Variants in MCTP2 observed in about 807,000 individuals in gnomAD.
MCTP2 encodes multiple C2 and transmembrane domain containing 2.
A neutral mutation model predicts 111.6 loss-of-function variants in MCTP2; 132 were observed. The ratio of observed to expected loss-of-function variants is 1.18; its 90% CI spans 1.03 to 1.37. The LOEUF is 1.37. Ranked by LOEUF, MCTP2 falls within the 40% of genes most tolerant of loss-of-function variation. The pLI is 0.00. For missense variants in MCTP2, 1,183 were observed against 1,067.9 expected (o/e 1.11, Z -1.50); for synonymous variants, 395 against 387.7 (o/e 1.02, Z -0.22).
At chr15:94,350,508 C>T (rs931753371) in intron 8 of MCTP2, among the ~76,000 whole-genome samples, 10 of 152,242 alleles carry the variant, frequency 6.6e-5, no homozygotes, top group South Asian at 4.1e-4. Context: ...AGGCAGATGT[C>T]GCAGTGAGCT....
intron 10 of MCTP2, 36 bp downstream of exon 10, chr15:94,358,648 T>C: frequency 6.2e-7 from 1 of 1,609,862 alleles, no homozygotes; most frequent in Non-Finnish European, 8.5e-7. Context: ...CGGGAGCATG[T>C]TTCTGCATGG....
chr15:94,333,131 A>C (rs2077204223), intron 4 of MCTP2, among the ~76,000 whole-genome samples: 1 of 152,084 alleles, frequency 6.6e-6, no homozygotes, highest in South Asian at 2.1e-4. Context: ...GCTACTTGGG[A>C]GTCTGAGGCA....
chr15:94,298,168 G>A (rs878889227), intron 1 of MCTP2, 33 bp from the exon 2 acceptor site: 1 of 848,372 alleles, frequency 1.2e-6, no homozygotes, highest in African/African-American at 1.8e-5. Flanking sequence ...TTTTTTGTTT[G>A]TTTGTTTTTT....
In MCTP2 at chr15:94,351,051, TATTAA is replaced by T. The variant is rs374588634; in HGVS notation, c.1006-5082_1006-5078del. On this transcript the variant is annotated intron_variant, in intron 8 of 22. Coordinates refer to ENST00000357742, the MANE Select transcript of MCTP2 (RefSeq NM_001385001.1). ...ACAATTTTATCTTATAATTTAAAAA[TATTAA>T]ATTTAATGCAAAGCTTTTATAGCTA... Among the ~76,000 whole-genome samples, 569 of 152,322 alleles carry T rather than the reference TATTAA, an allele frequency of 3.7e-3. 1 individual carries two copies. The highest frequency in any genetic ancestry group is 0.011 in the African/African-American group (470 of 41,582).
intron 1 of MCTP2, among the ~76,000 whole-genome samples, chr15:94,260,557 A>C (rs1046043915): frequency 5.9e-5 from 9 of 152,180 alleles, no homozygotes; most frequent in Non-Finnish European, 8.8e-5. Context: ...GTTTATCTGC[A>C]GGAGCCATTA....
At chr15:94,442,880 C>T (rs770666897) in intron 18 of MCTP2, 39 bp from the exon 19 acceptor site, 21 of 1,566,560 alleles carry the variant, frequency 1.3e-5, no homozygotes, top group South Asian at 3.4e-5. Context: ...TTGTTAATTT[C>T]GGTTGATGTT....
intron 17 of MCTP2, among the ~76,000 whole-genome samples, chr15:94,434,956 C>T (rs531817931): frequency 2.5e-4 from 38 of 151,488 alleles, no homozygotes; most frequent in African/African-American, 7.3e-4. Flanking sequence ...CTCCGCTCCT[C>T]GGGTTCAAGC....
At chr15:94,260,786 C>T (rs957673288) in intron 1 of MCTP2, among the ~76,000 whole-genome samples, 5 of 152,126 alleles carry the variant, frequency 3.3e-5, no homozygotes, top group African/African-American at 7.2e-5. Context: ...TCTCAGCCAA[C>T]GGCATTCCAA....
intron 3 of MCTP2, 97 bp downstream of exon 3, chr15:94,314,441 A>G: frequency 1.1e-6 from 1 of 909,084 alleles, no homozygotes; most frequent in East Asian, 2.7e-5. Flanking sequence ...ATTGCTAAAA[A>G]AAAAAAAAAA....
chr15:94,355,622 A>G (rs554141773), intron 8 of MCTP2, among the ~76,000 whole-genome samples: 47 of 151,942 alleles, frequency 3.1e-4, no homozygotes, highest in Middle Eastern at 3.4e-3. Context: ...TGGAGGCTCT[A>G]TTTGGACTAG....
chr15:94,408,784 G>A (rs2152483253), intron 17 of MCTP2, among the ~76,000 whole-genome samples: 1 of 152,258 alleles, frequency 6.6e-6, no homozygotes, highest in South Asian at 2.1e-4. Context: ...TTCTTTTGGA[G>A]CATTCCAATT....
intron 12 of MCTP2, among the ~76,000 whole-genome samples, chr15:94,377,534 G>T (rs2079844072): frequency 6.6e-6 from 1 of 152,212 alleles, no homozygotes; most frequent in African/African-American, 2.4e-5. Context: ...CAGCTCATTT[G>T]TGACATTCCA....
intron 14 of MCTP2, among the ~76,000 whole-genome samples, chr15:94,386,088 T>A (rs2080453865): frequency 6.6e-6 from 1 of 152,054 alleles, no homozygotes; most frequent in African/African-American, 2.4e-5. Flanking sequence ...GCAGTCCAGC[T>A]ATAAGATAAT....
At chr15:94,297,384 ATCT>A (rs1449564859) in intron 1 of MCTP2, among the ~76,000 whole-genome samples, 2 of 152,214 alleles carry the variant, frequency 1.3e-5, no homozygotes, top group African/African-American at 4.8e-5. Flanking sequence ...CTCAGGCTAC[ATCT>A]CAGAAGCTTG....
intron 4 of MCTP2, among the ~76,000 whole-genome samples, chr15:94,320,773 G>A (rs377272123): frequency 5.0e-4 from 76 of 152,248 alleles, no homozygotes; most frequent in African/African-American, 1.6e-3. Flanking sequence ...TGGTCCAGCT[G>A]CTGATTTAAT....
Position 94,346,123 on chromosome 15 carries a change from T to C in MCTP2, c.1005+959T>C, listed in dbSNP as rs2077967741. On this transcript the variant is annotated intron_variant, in intron 8 of 22. Coordinates refer to ENST00000357742, the MANE Select transcript of MCTP2 (RefSeq NM_001385001.1). ...TCAAAGACTGGAGTTTGGATGCGGA[T>C]GAGAGACCGAGAGAGCGAAAGAGAG... is the stretch of plus-strand genomic sequence containing the variant. 1.3e-5 allele frequency among the ~76,000 whole-genome samples: 2 copies of C among 152,126 alleles called. 1 individual carries two copies. Among genetic ancestry groups the C allele is most frequent in the Non-Finnish European group, 2.9e-5 (2 of 68,014 alleles).
At chr15:94,244,199 CACGTGTAT>C in intron 1 of MCTP2, among the ~76,000 whole-genome samples, 1 of 143,258 alleles carries the variant, frequency 7.0e-6, no homozygotes, top group African/African-American at 2.6e-5. Flanking sequence ...TGTTTATATA[CACGTGTAT>C]ACACATACAT....
At chr15:94,353,239 T>C (rs978463237) in intron 8 of MCTP2, among the ~76,000 whole-genome samples, 1 of 152,148 alleles carries the variant, frequency 6.6e-6, no homozygotes. Context: ...CCAGGGACAT[T>C]ACAAGCAATA....
At chr15:94,239,217 T>C (rs961821451) in intron 1 of MCTP2, among the ~76,000 whole-genome samples, 1 of 152,210 alleles carries the variant, frequency 6.6e-6, no homozygotes, top group Non-Finnish European at 1.5e-5. Flanking sequence ...TTTCTTGGAC[T>C]ACAATAACCA....
Sources: gnomAD v4.1 joint callset for allele counts (sites outside exome capture counted in the v4.1 genomes callset) on GRCh38, gnomAD v4.1.1 for gene constraint, MANE v1.5 for transcripts, NCBI Gene and HGNC (gene_info 2026-07-23, HGNC 2026-07-21) for gene names.